Variants in WDR72 observed in about 807,000 individuals in gnomAD.
The protein encoded by WDR72 is WD repeat domain 72.
A neutral mutation model predicts 124.2 loss-of-function variants in WDR72; 120 were observed. The observed-to-expected ratio is 0.97, with a 90% confidence interval of 0.83 to 1.12. The LOEUF (loss-of-function observed/expected upper bound fraction) is 1.12, where lower values mean the gene tolerates loss of function less well. Among genes scored for constraint, WDR72 ranks in the 50% most tolerant of loss-of-function variants. WDR72 has a pLI of 0.00. For synonymous variants in WDR72, 452 were observed against 441.7 expected, an observed-to-expected ratio of 1.02 and a Z score of -0.29; for missense variants, 1,387 against 1,278.8, an observed-to-expected ratio of 1.08 and a Z score of -1.29.
At chr15:53,607,246 T>C (rs142804868) in intron 17 of WDR72, among the ~76,000 whole-genome samples, 252 of 151,754 alleles carry the variant, frequency 1.7e-3, no homozygotes, top group African/African-American at 5.9e-3. Context: ...GATGAGGTAC[T>C]CTCAGAATTA....
rs1453053306 is a variant in WDR72 at position 53,585,471 on chromosome 15, G to A, written c.3148+11608C>T. On this transcript the variant is annotated intron_variant, in intron 18 of 19. Transcript: ENST00000360509. ...ACGTGGGGATTACAGTTAGAGATGA[G>A]ATTTGGGTGGGGACACAGAGTCAAA... is the stretch of plus-strand genomic sequence containing the variant. 5.3e-5 allele frequency among the ~76,000 whole-genome samples: 8 copies of A among 152,012 alleles called. No homozygotes were observed. In the South Asian group the frequency reaches 1.7e-3, roughly 31 times the overall value.
chr15:53,575,489 T>C (rs965971496), intron 18 of WDR72, among the ~76,000 whole-genome samples: 28 of 152,116 alleles, frequency 1.8e-4, no homozygotes, highest in Non-Finnish European at 2.9e-4. Flanking sequence ...ATAACACAAC[T>C]TTACTACCAG....
chr15:53,712,892 C>T lies in WDR72; in HGVS notation c.592-1G>A. 1 of 1,613,172 alleles carries T rather than the reference C, an allele frequency of 6.2e-7. No individual in the cohort carries two copies. Among genetic ancestry groups the T allele is most frequent in the Non-Finnish European group, 8.5e-7 (1 of 1,179,538 alleles). ...CTTTTTCATAGACATCTTGCTTTTC[C>T]TTCAAAAGGAAAGAAAATCTTTTAG... is the stretch of plus-strand genomic sequence containing the variant. On this transcript the variant is annotated splice_acceptor_variant, in intron 6 of 19. Transcript: ENST00000360509. LOFTEE classifies it high-confidence loss of function.
At chr15:53,545,245 C>G (rs1304339032) in intron 18 of WDR72, among the ~76,000 whole-genome samples, 1 of 151,710 alleles carries the variant, frequency 6.6e-6, no homozygotes, top group African/African-American at 2.4e-5. Flanking sequence ...AGGCATCACA[C>G]TACCTGACTT....
At chr15:53,716,563 G>T in intron 4 of WDR72, 44 bp downstream of exon 4, 2 of 1,297,764 alleles carry the variant, frequency 1.5e-6, no homozygotes, top group Middle Eastern at 1.8e-4. Context: ...CCCTAAACAA[G>T]TTGCAGAATC....
At position 53,606,521 on chromosome 15, in the gene WDR72, A is replaced by G. The variant is rs2140354016; in HGVS notation, c.2952+2992T>C. Among the ~76,000 whole-genome samples, 2 of 152,340 alleles carry G rather than the reference A, an allele frequency of 1.3e-5. 1 individual carries two copies. The highest frequency in any genetic ancestry group is 1.3e-4 in the Admixed American group (2 of 15,298). Reference sequence around the variant, plus strand: ...GTCACTGCTCTCAGCAAGCTTATATAACAGCGAGAAGACAAAATAAGCAAG... The same window carrying G: ...GTCACTGCTCTCAGCAAGCTTATATGACAGCGAGAAGACAAAATAAGCAAG... On this transcript the variant is annotated intron_variant, in intron 17 of 19. Coordinates refer to ENST00000360509, the MANE Select transcript of WDR72 (RefSeq NM_182758.4).
chr15:53,557,375 G>A (rs563380186), intron 18 of WDR72, among the ~76,000 whole-genome samples: 5 of 152,166 alleles, frequency 3.3e-5, no homozygotes, highest in African/African-American at 9.6e-5. Context: ...CCAAAGTGAG[G>A]AGCACCAAAT....
chr15:53,685,066 A>G (rs897785955), intron 13 of WDR72, among the ~76,000 whole-genome samples: 6 of 152,072 alleles, frequency 3.9e-5, no homozygotes, highest in Admixed American at 3.9e-4. Context: ...TCTGTACATC[A>G]CCATCATCAA....
At chr15:53,727,344 G>C (rs28462320) in intron 2 of WDR72, among the ~76,000 whole-genome samples, 4,532 of 151,584 alleles carry the variant, frequency 0.03, 240 homozygotes, top group African/African-American at 0.11. Context: ...TGAACTATAC[G>C]AACATATGTA....
intron 18 of WDR72, among the ~76,000 whole-genome samples, chr15:53,596,345 G>T (rs1189436189): frequency 6.6e-6 from 1 of 151,880 alleles, no homozygotes; most frequent in Non-Finnish European, 1.5e-5. Flanking sequence ...CTAACATTAC[G>T]ATAAAAATCA....
chr15:53,562,640 C>T (rs1471254613), intron 18 of WDR72, among the ~76,000 whole-genome samples: 4 of 151,616 alleles, frequency 2.6e-5, no homozygotes, highest in Admixed American at 6.6e-5. Flanking sequence ...TAAGTAAAAA[C>T]AGGAAAGAAG....
At chr15:53,696,417 G>C (rs1450829028) in intron 13 of WDR72, among the ~76,000 whole-genome samples, 3 of 152,154 alleles carry the variant, frequency 2.0e-5, no homozygotes, top group African/African-American at 7.2e-5. Context: ...CAGGATCTAA[G>C]AGCCATAACT....
intron 18 of WDR72, among the ~76,000 whole-genome samples, chr15:53,596,067 A>C (rs538402120): frequency 1.3e-5 from 2 of 152,276 alleles, no homozygotes; most frequent in South Asian, 4.1e-4. Flanking sequence ...AAGTATTTCC[A>C]AGAATGACTC....
intron 12 of WDR72, among the ~76,000 whole-genome samples, chr15:53,701,125 G>C (rs1313874726): frequency 1.3e-5 from 2 of 152,100 alleles, no homozygotes; most frequent in Non-Finnish European, 2.9e-5. Flanking sequence ...AATTTAAGTT[G>C]ACATTTCATG....
chr15:53,706,350 GTATATATATATATATATATATATATATA>G (rs56246540), intron 9 of WDR72, among the ~76,000 whole-genome samples: 1 of 25,762 alleles, frequency 3.9e-5, no homozygotes. Context: ...GTGTGTGTGT[GTATATATATATATATATATATATATATA>G]TATATATATA....
In WDR72 at chr15:53,609,579, G is replaced by A. The variant is rs2013445665; in HGVS notation, c.2886C>T (p.Ser962=). 1 of 1,613,200 alleles carries A rather than the reference G, an allele frequency of 6.2e-7. No homozygotes were observed. Among genetic ancestry groups the A allele is most frequent in the Non-Finnish European group, 8.5e-7 (1 of 1,179,466 alleles). The change falls in exon 17 of 20, where the codon TCC becomes TCT. Residue 962 remains serine (S), a synonymous_variant. Transcript: ENST00000360509. ...YSCLRNGKNE[S]HVPEADLSLL... ...GTGAAAGGTCAGCCTCAGGTACATG[G>A]GATTCATTCTTACCTAGAAATATAC... is the stretch of plus-strand genomic sequence containing the variant.
intron 14 of WDR72, among the ~76,000 whole-genome samples, chr15:53,623,619 A>G (rs1336018910): frequency 6.6e-6 from 1 of 152,184 alleles, no homozygotes; most frequent in Non-Finnish European, 1.5e-5. Context: ...CAATGAACAT[A>G]CAAGATCACG....
intron 13 of WDR72, among the ~76,000 whole-genome samples, chr15:53,679,540 G>C (rs1323684558): frequency 6.6e-6 from 1 of 152,116 alleles, no homozygotes; most frequent in Non-Finnish European, 1.5e-5. Flanking sequence ...TGAGGATGGA[G>C]AGAGAGAGGG....
At chr15:53,631,190 T>G (rs963667779) in intron 14 of WDR72, among the ~76,000 whole-genome samples, 18 of 152,258 alleles carry the variant, frequency 1.2e-4, no homozygotes, top group Admixed American at 5.9e-4. Flanking sequence ...TACTACATAG[T>G]GATTGAGTTC....
Sources: allele counts gnomAD v4.1 joint callset (sites outside exome capture counted in the v4.1 genomes callset), GRCh38; gene constraint gnomAD v4.1.1; transcripts MANE v1.5; gene names NCBI Gene and HGNC (gene_info 2026-07-23, HGNC 2026-07-21).